Variants in RBPJ observed in about 807,000 individuals in gnomAD.
RBPJ encodes recombining binding protein suppressor of hairless.
In RBPJ, 9 loss-of-function variants were observed where a neutral mutation model predicts 67.8. The ratio of observed to expected loss-of-function variants is 0.13; its 90% CI spans 0.08 to 0.23. The LOEUF is 0.23. Among genes scored for constraint, RBPJ ranks in the 10% least tolerant of loss-of-function variants. The pLI is 1.00. For missense variants in RBPJ, 305 were observed against 595.6 expected (o/e 0.51, Z 5.08); for synonymous variants, 198 against 203.3 (o/e 0.97, Z 0.22).
At chr4:26,213,884 T>C (rs1270201558) in intron 1 of RBPJ, among the ~76,000 whole-genome samples, 1 of 152,096 alleles carries the variant, frequency 6.6e-6, no homozygotes, top group African/African-American at 2.4e-5. Context: ...CCAAAATGTG[T>C]TCTGAAAATA....
intron 1 of RBPJ, among the ~76,000 whole-genome samples, chr4:26,237,203 C>T (rs1388551757): frequency 6.6e-6 from 1 of 152,186 alleles, no homozygotes; most frequent in Admixed American, 6.5e-5. Flanking sequence ...CAAGACCATC[C>T]TGGTCTCCTG....
chr4:26,230,793 A>C lies in RBPJ; in HGVS notation c.-167+67179A>C, dbSNP rs147589019. Among the ~76,000 whole-genome samples the C allele has an allele frequency of 6.0e-3, 910 of 152,324 alleles. 5 individuals carry two copies. The highest frequency in any genetic ancestry group is 0.021 in the African/African-American group (861 of 41,552). On this transcript the variant is annotated intron_variant, in intron 1 of 4. Transcript: ENST00000512351. ...TTCCACACTTTCGACCTAGCATCAA[A>C]ATAGCCCACAAAATATATTTATAGC...
At chr4:26,172,411 CTT>C (rs1336022225) in intron 1 of RBPJ, among the ~76,000 whole-genome samples, 1 of 152,180 alleles carries the variant, frequency 6.6e-6, no homozygotes, top group Non-Finnish European at 1.5e-5. Flanking sequence ...GGAATAGACT[CTT>C]AGGATAAATT....
At chr4:26,369,830 G>A (rs1383525541) in intron 1 of RBPJ, among the ~76,000 whole-genome samples, 1 of 151,874 alleles carries the variant, frequency 6.6e-6, no homozygotes, top group South Asian at 2.1e-4. Context: ...TTGTACTCCA[G>A]TGTTCTCTGC....
At chr4:26,296,782 G>A (rs1259054251) in intron 1 of RBPJ, among the ~76,000 whole-genome samples, 1 of 152,126 alleles carries the variant, frequency 6.6e-6, no homozygotes, top group Non-Finnish European at 1.5e-5. Context: ...TCTGTATTCT[G>A]TTAATAAGCA....
chr4:26,419,693 A>G (rs540238230), intron 4 of RBPJ, among the ~76,000 whole-genome samples: 41 of 152,322 alleles, frequency 2.7e-4, no homozygotes, highest in African/African-American at 9.6e-4. Flanking sequence ...TTATCTGGAA[A>G]AGGACAATAA....
the RBPJ span, among the ~76,000 whole-genome samples, chr4:26,126,326 C>A: frequency 6.6e-6 from 1 of 152,210 alleles, no homozygotes; most frequent in East Asian, 1.9e-4. Flanking sequence ...CGCCCCCAAC[C>A]CCAACTTCCT....
At chr4:26,254,915 A>G (rs1441781897) in intron 1 of RBPJ, among the ~76,000 whole-genome samples, 2 of 120,546 alleles carry the variant, frequency 1.7e-5, no homozygotes, top group Admixed American at 9.4e-5. Context: ...GTCGAGACCA[A>G]GCTGGTCTTG....
At chr4:26,109,452 CTCTCTCTCTATATATATATATA>C in the RBPJ span, among the ~76,000 whole-genome samples, 3 of 24,220 alleles carry the variant, frequency 1.2e-4, no homozygotes, top group Non-Finnish European at 2.3e-4. Flanking sequence ...CTCTCTCTCT[CTCTCTCTCTATATATATATATA>C]TATATATATA....
In RBPJ at chr4:26,376,573, A is replaced by C. The variant is rs185022772; in HGVS notation, c.21-9780A>C. Among the ~76,000 whole-genome samples the C allele has an allele frequency of 5.9e-5, 9 of 152,332 alleles. No individual in the cohort carries two copies. The East Asian group carries it at 7.7e-4, about 13-fold the overall frequency. ...TGTTTTCCACCTTTTGGCTATTGTG[A>C]ATAATGGTACTATGAATATTAGTGT... On this transcript the variant is annotated intron_variant, in intron 1 of 10. Transcript: ENST00000355476.
At chr4:26,140,470 C>T in the RBPJ span, among the ~76,000 whole-genome samples, 2 of 152,174 alleles carry the variant, frequency 1.3e-5, no homozygotes, top group South Asian at 2.1e-4. Flanking sequence ...CAACTTGGCT[C>T]TCCTCCCTGC....
At chr4:26,404,218 T>C (rs1436230564) in intron 2 of RBPJ, among the ~76,000 whole-genome samples, 1 of 152,200 alleles carries the variant, frequency 6.6e-6, no homozygotes, top group African/African-American at 2.4e-5. Flanking sequence ...TTGCCTACTT[T>C]TTAATGGGGT....
chr4:26,113,485 G>A, the RBPJ span: 1,807 of 555,170 alleles, frequency 3.3e-3, 41 homozygotes, highest in African/African-American at 0.031. Flanking sequence ...CAGGAGAAAA[G>A]CCCTATGACT....
intron 1 of RBPJ, among the ~76,000 whole-genome samples, chr4:26,215,056 GAGAGAAA>G (rs1718634946): frequency 1.3e-5 from 1 of 78,828 alleles, no homozygotes; most frequent in African/African-American, 5.9e-5. Flanking sequence ...AGGGAAGAGA[GAGAGAAA>G]GAAAGAGAAA....
intron 1 of RBPJ, among the ~76,000 whole-genome samples, chr4:26,226,274 G>C (rs2109197973): frequency 6.6e-6 from 1 of 152,178 alleles, no homozygotes; most frequent in South Asian, 2.1e-4. Context: ...AGACAAGCCT[G>C]GGTAACATAG....
chr4:26,165,565 G>C (rs763479118), intron 1 of RBPJ, among the ~76,000 whole-genome samples: 22 of 152,132 alleles, frequency 1.4e-4, no homozygotes, highest in Non-Finnish European at 2.8e-4. Flanking sequence ...AATGAGGGAA[G>C]GGGGAGGGAA....
At chr4:26,117,991 ATATAT>A in the RBPJ span, among the ~76,000 whole-genome samples, 970 of 152,238 alleles carry the variant, frequency 6.4e-3, 10 homozygotes, top group African/African-American at 0.022. Flanking sequence ...GACATTTTAG[ATATAT>A]TATCCATATA....
chr4:26,177,120 G>T (rs1362553128), intron 1 of RBPJ, among the ~76,000 whole-genome samples: 1 of 152,138 alleles, frequency 6.6e-6, no homozygotes, highest in African/African-American at 2.4e-5. Context: ...GCCTTCATAA[G>T]CTCCTAGATA....
chr4:26,407,503 G>C (rs1032705696), intron 3 of RBPJ, among the ~76,000 whole-genome samples: 1 of 152,100 alleles, frequency 6.6e-6, no homozygotes, highest in African/African-American at 2.4e-5. Context: ...TTTAATTGGG[G>C]ACTTTCATTG....
Sources: gnomAD v4.1 joint callset for allele counts (sites outside exome capture counted in the v4.1 genomes callset) on GRCh38, gnomAD v4.1.1 for gene constraint, MANE v1.5 for transcripts, NCBI Gene and HGNC (gene_info 2026-07-23, HGNC 2026-07-21) for gene names.